CCDC171: variants seen among roughly 807,000 people sequenced by gnomAD.
CCDC171 encodes the protein coiled-coil domain-containing protein 171.
A neutral mutation model predicts 168.2 loss-of-function variants in CCDC171; 177 were observed. The ratio of observed to expected loss-of-function variants is 1.05; its 90% CI spans 0.93 to 1.19. The LOEUF is 1.19. Ranked by LOEUF, CCDC171 falls within the 50% of genes most tolerant of loss-of-function variation. CCDC171 has a pLI of 0.00. For missense variants in CCDC171, 1,991 were observed against 1,539.0 expected, an observed-to-expected ratio of 1.29 and a Z score of -4.91; for synonymous variants, 687 against 540.8, an observed-to-expected ratio of 1.27 and a Z score of -3.75.
the CCDC171 span, among the ~76,000 whole-genome samples, chr9:16,072,838 G>A: frequency 2.0e-5 from 3 of 152,308 alleles, no homozygotes; most frequent in East Asian, 1.9e-4. Context: ...GCAGAGCTGC[G>A]TCTTAGCATC....
chr9:15,720,722 G>A (rs1324225679), intron 11 of CCDC171, among the ~76,000 whole-genome samples: 1 of 152,076 alleles, frequency 6.6e-6, no homozygotes, highest in African/African-American at 2.4e-5. Context: ...TAAGTTCTAG[G>A]GTACATGTGC....
intron 6 of CCDC171, among the ~76,000 whole-genome samples, chr9:15,603,986 C>T (rs905740168): frequency 1.1e-4 from 16 of 152,058 alleles, no homozygotes; most frequent in African/African-American, 3.9e-4. Context: ...TTTTGACTTG[C>T]ATTTCTCTGA....
intron 6 of CCDC171, among the ~76,000 whole-genome samples, chr9:15,600,739 G>A (rs1057444290): frequency 1.3e-5 from 2 of 152,332 alleles, no homozygotes; most frequent in African/African-American, 2.4e-5. Flanking sequence ...CAGAGGTGGA[G>A]TCTACAGAGG....
At chr9:15,897,837 C>T (rs567002225) in intron 24 of CCDC171, among the ~76,000 whole-genome samples, 8 of 152,242 alleles carry the variant, frequency 5.3e-5, no homozygotes, top group African/African-American at 1.9e-4. Context: ...AAACATCAAC[C>T]AGTCCAAATC....
At position 15,603,521 on chromosome 9, in the gene CCDC171, TG is replaced by T. The variant is rs200828088; in HGVS notation, c.675+9350del. Among the ~76,000 whole-genome samples the T allele has an allele frequency of 9.5e-3, 1,448 of 152,340 alleles. 25 individuals carry two copies. The highest frequency in any genetic ancestry group is 0.033 in the African/African-American group (1,383 of 41,594). ...CATGCGGTATTTCGTTTTCTGTCCCTGCATTAGTTTGCTGAGGATAATGGCT... is the reference window on the plus strand; with the variant it reads ...CATGCGGTATTTCGTTTTCTGTCCCTCATTAGTTTGCTGAGGATAATGGCT... On this transcript the variant is annotated intron_variant, in intron 6 of 25. Transcript: ENST00000380701.
At chr9:15,610,325 G>A (rs1039298765) in intron 6 of CCDC171, among the ~76,000 whole-genome samples, 6 of 150,542 alleles carry the variant, frequency 4.0e-5, no homozygotes, top group Non-Finnish European at 7.4e-5. Flanking sequence ...TCCTGGGCTC[G>A]GCTGGGCGCG....
intron 10 of CCDC171, among the ~76,000 whole-genome samples, chr9:15,679,981 C>G (rs1370048517): frequency 6.6e-6 from 1 of 152,172 alleles, no homozygotes; most frequent in African/African-American, 2.4e-5. Context: ...TGATATCTTG[C>G]AATCTGTGAA....
At chr9:15,981,625 T>A (rs1308053691) in intron 3 of CCDC171, among the ~76,000 whole-genome samples, 1 of 152,292 alleles carries the variant, frequency 6.6e-6, no homozygotes, top group South Asian at 2.1e-4. Flanking sequence ...ACCTAAACAA[T>A]GTTAGATGTT....
At chr9:15,887,301 A>G (rs1819561653) in intron 24 of CCDC171, among the ~76,000 whole-genome samples, 1 of 152,180 alleles carries the variant, frequency 6.6e-6, no homozygotes, top group Admixed American at 6.6e-5. Flanking sequence ...TTAAGTAACC[A>G]GTGAAATGTA....
rs572194675 is a variant in CCDC171, at chr9:15,611,598, C to G, written c.676-11669C>G. 7.2e-5 allele frequency among the ~76,000 whole-genome samples: 11 copies of G among 152,224 alleles called. No homozygotes were observed. In the South Asian group the frequency reaches 2.3e-3, roughly 32 times the overall value. ...CCACTATGCAGATGTTGCTTAATCT[C>G]CTTATTTTTAATAAGGTGTCTTACC... is the stretch of plus-strand genomic sequence containing the variant. On this transcript the variant is annotated intron_variant, in intron 6 of 25. Coordinates refer to ENST00000380701, the MANE Select transcript of CCDC171 (RefSeq NM_173550.4).
the CCDC171 span, among the ~76,000 whole-genome samples, chr9:16,076,917 C>G: frequency 2.4e-4 from 37 of 152,326 alleles, no homozygotes; most frequent in African/African-American, 8.7e-4. Flanking sequence ...AAATGCTACT[C>G]TCGCTCAACA....
intron 1 of CCDC171, among the ~76,000 whole-genome samples, chr9:16,059,100 C>T (rs147194214): frequency 1.1e-3 from 173 of 152,282 alleles, no homozygotes; most frequent in African/African-American, 3.9e-3. Context: ...CTTCCAGAAC[C>T]AAGCACCCGA....
intron 7 of CCDC171, among the ~76,000 whole-genome samples, chr9:15,636,311 A>G (rs2046196234): frequency 6.6e-6 from 1 of 152,186 alleles, no homozygotes; most frequent in African/African-American, 2.4e-5. Flanking sequence ...AGATTACAGA[A>G]GGAATAAAAA....
At chr9:15,568,502 C>T (rs1002734942) in intron 2 of CCDC171, among the ~76,000 whole-genome samples, 1 of 152,168 alleles carries the variant, frequency 6.6e-6, no homozygotes, top group Admixed American at 6.5e-5. Context: ...GATCTCCTGA[C>T]CTCGTGATCC....
At chr9:15,703,160 C>T (rs1588053051) in intron 11 of CCDC171, among the ~76,000 whole-genome samples, 1 of 152,186 alleles carries the variant, frequency 6.6e-6, no homozygotes, top group Non-Finnish European at 1.5e-5. Flanking sequence ...CCCGCCTTGG[C>T]CTCCCAAAGT....
intron 1 of CCDC171, among the ~76,000 whole-genome samples, chr9:15,559,584 G>C (rs1045660276): frequency 4.6e-5 from 7 of 151,894 alleles, no homozygotes; most frequent in Non-Finnish European, 7.4e-5. Context: ...CCATTTGCTT[G>C]GCAGATCTTA....
chr9:15,696,380 A>T (rs1046509099), intron 11 of CCDC171, among the ~76,000 whole-genome samples: 1 of 152,196 alleles, frequency 6.6e-6, no homozygotes, highest in African/African-American at 2.4e-5. Flanking sequence ...TTTAGCTTTT[A>T]TGAAATTAAT....
At chr9:16,100,683 G>A in the CCDC171 span, among the ~76,000 whole-genome samples, 62 of 152,328 alleles carry the variant, frequency 4.1e-4, no homozygotes, top group Non-Finnish European at 1.8e-4. Flanking sequence ...GCCAGAGTTG[G>A]AAGTGTTGCT....
intron 19 of CCDC171, 131 bp downstream of exon 19, chr9:15,777,957 T>C (rs2057421684): frequency 1.6e-6 from 1 of 610,520 alleles, no homozygotes; most frequent in African/African-American, 1.9e-5. Flanking sequence ...CATGTAAAAT[T>C]TTAATACACT....
Sources: allele counts gnomAD v4.1 joint callset (sites outside exome capture counted in the v4.1 genomes callset), GRCh38; gene constraint gnomAD v4.1.1; transcripts MANE v1.5; gene names NCBI Gene and HGNC (gene_info 2026-07-23, HGNC 2026-07-21).